Variants in TYSND1 observed in about 807,000 individuals in gnomAD.
The protein encoded by TYSND1 is trypsin like peroxisomal matrix peptidase 1.
Under a neutral mutation model 37.2 loss-of-function variants are expected in TYSND1, and 30 were observed. The ratio of observed to expected loss-of-function variants is 0.81; its 90% CI spans 0.60 to 1.09. The LOEUF (loss-of-function observed/expected upper bound fraction) is 1.09, where lower values mean the gene tolerates loss of function less well. Among genes scored for constraint, TYSND1 ranks in the 50% least tolerant of loss-of-function variants. The pLI is 0.00. For synonymous variants in TYSND1, 364 were observed against 383.8 expected (o/e 0.95, Z 0.60); for missense variants, 806 against 817.4 (o/e 0.99, Z 0.17).
rs201771382 is a variant in TYSND1, at chr10:70,142,700, G to A, written c.1451C>T (p.Pro484Leu). Reference sequence around the variant, plus strand: ...GTTTCCTGAGTGGTTGGAGAAGAGGGGTCCCCCACTGGAGCCGCTGTGCAC... The same window carrying A: ...GTTTCCTGAGTGGTTGGAGAAGAGGAGTCCCCCACTGGAGCCGCTGTGCAC... ...CAVHSGSSGG[P>L]LFSNHSGNLL... The change falls in exon 3 of 4, where the codon CCC (proline) becomes CTC (leucine). Residue 484 changes from proline to leucine, a missense_variant. Transcript: ENST00000287078. 1 of 1,604,920 alleles carries A rather than the reference G, an allele frequency of 6.2e-7. No individual in the cohort carries two copies. The highest frequency in any genetic ancestry group is 1.1e-5 in the South Asian group (1 of 89,944).
chr10:70,145,692 C>A lies in TYSND1; in HGVS notation c.895G>T (p.Ala299Ser). The change falls in exon 1 of 4, where the codon GCC (alanine) becomes TCC (serine). Residue 299 changes from alanine to serine, a missense_variant. Around this residue, in one of 3 missense-constraint regions of TYSND1, gnomAD observed 708 missense variants for 705.4 expected, o/e 1.00. Transcript: ENST00000287078. ...CGGGCGGCGCGGAAAAGGGGGGCGG[C>A]GGCGCAGAGCAGCGTGAAGCCCACC... ...EWVGFTLLCA[A>S]APLFRAARDA... The A allele has an allele frequency of 1.4e-6, 2 of 1,385,728 alleles. No homozygotes were observed. The highest frequency in any genetic ancestry group is 1.9e-6 in the Non-Finnish European group (2 of 1,078,724). 85.8% of individuals were successfully genotyped at this position (1,385,728 alleles called of 1,614,324 possible).
At position 70,140,125 on chromosome 10, in the gene TYSND1, G is replaced by C; in HGVS notation, c.1500C>G (p.Asn500Lys). 1 of 1,610,544 alleles carries C rather than the reference G, an allele frequency of 6.2e-7. No homozygotes were observed. Among genetic ancestry groups the C allele is most frequent in the Non-Finnish European group, 8.5e-7 (1 of 1,177,326 alleles). The change falls in exon 4 of 4, where the codon AAC becomes AAG. Residue 500 changes from asparagine (N) to lysine (K), a missense_variant. Physicochemically the swap from Asn to Lys is moderately conservative, Grantham distance 94 (BLOSUM62 0). Transcript: ENST00000287078. ...TGGCCCCCGTATTATTGTCCCGGGTGTTGCTGGTGATTATGCCTGTTGAGG... is the reference window on the plus strand; with the variant it reads ...TGGCCCCCGTATTATTGTCCCGGGTCTTGCTGGTGATTATGCCTGTTGAGG... Reference protein sequence around the residue: ...SGNLLGIITSNTRDNNTGATY... With the variant: ...SGNLLGIITSKTRDNNTGATY...
In TYSND1 at chr10:70,146,615, C is replaced by G; in HGVS notation, c.-29G>C. ...CTCTAGGCCGGACACTCGGGAGCTT[C>G]TCCGAGAAACAGCAAGCTAGCGAGC... is the stretch of plus-strand genomic sequence containing the variant. On this transcript the variant is annotated 5_prime_UTR_variant, in exon 1 of 4. Coordinates refer to ENST00000287078, the MANE Select transcript of TYSND1 (RefSeq NM_173555.4). 6.8e-7 allele frequency: 1 copy of G among 1,476,740 alleles called. No homozygotes were observed. Among genetic ancestry groups the G allele is most frequent in the Non-Finnish European group, 8.9e-7 (1 of 1,120,542 alleles). The allele number at this position is 1,476,740 out of a possible 1,614,324, so 91.5% of individuals were successfully genotyped here. A position where few individuals can be genotyped will look rare whatever the true frequency, so the allele number is the denominator to read the frequency against.
Position 70,146,623 on chromosome 10 carries a change from A to C in TYSND1, c.-37T>G, listed in dbSNP as rs1839242555. 1 of 1,468,792 alleles carries C rather than the reference A, an allele frequency of 6.8e-7. No homozygotes were observed. Among genetic ancestry groups the C allele is most frequent in the Non-Finnish European group, 9.0e-7 (1 of 1,116,664 alleles). 91.0% of individuals were successfully genotyped at this position (1,468,792 alleles called of 1,614,324 possible). ...CGGACACTCGGGAGCTTCTCCGAGA[A>C]ACAGCAAGCTAGCGAGCGAGGACCC... is the stretch of plus-strand genomic sequence containing the variant. On this transcript the variant is annotated 5_prime_UTR_variant, in exon 1 of 4. Transcript: ENST00000287078.
chr10:70,146,012 A>G lies in TYSND1; in HGVS notation c.575T>C (p.Leu192Pro). The G allele has an allele frequency of 6.3e-7, 1 of 1,596,090 alleles. No individual in the cohort carries two copies. The highest frequency in any genetic ancestry group is 8.5e-7 in the Non-Finnish European group (1 of 1,172,440). Residue 192 changes from leucine to proline, a missense_variant, in exon 1 of 4, where the codon CTA becomes CCA. Transcript: ENST00000287078. Reference protein sequence around the residue: ...LGWFALLGVRLGQEEVEEERG... With the variant: ...LGWFALLGVRPGQEEVEEERG... ...CTCCTCCTCCACCTCCTCCTGGCCT[A>G]GCCGCACGCCCAGCAGCGCAAACCA...
At chr10:70,143,734 G>C in intron 2 of TYSND1, 108 bp downstream of exon 2, 1 of 1,411,998 alleles carries the variant, frequency 7.1e-7, no homozygotes, top group Non-Finnish European at 9.6e-7. Context: ...CAAGGACCTT[G>C]ACCAATGCTA....
rs1220100195 is a variant in TYSND1, at chr10:70,139,881, G to A, written c.*43C>T. 1 of 1,572,878 alleles carries A rather than the reference G, an allele frequency of 6.4e-7. No individual in the cohort carries two copies. The highest frequency in any genetic ancestry group is 1.7e-5 in the Admixed American group (1 of 58,920). Reference sequence around the variant, plus strand: ...CGTCACCTCAACATCACTTCCTACAGCAGAAAAAGGTCACTCTTCTTTCCA... The same window carrying A: ...CGTCACCTCAACATCACTTCCTACAACAGAAAAAGGTCACTCTTCTTTCCA... On this transcript the variant is annotated 3_prime_UTR_variant, in exon 4 of 4. Transcript: ENST00000287078.
Position 70,146,606 on chromosome 10 carries a change from CG to C in TYSND1, c.-21del, listed in dbSNP as rs1839241801. The C allele has an allele frequency of 1.3e-6, 2 of 1,489,428 alleles. No homozygotes were observed. Among genetic ancestry groups the C allele is most frequent in the Non-Finnish European group, 1.8e-6 (2 of 1,126,488 alleles). The allele number at this position is 1,489,428 out of a possible 1,614,324, so 92.3% of individuals were successfully genotyped here. ...TCTCATGGCCTCTAGGCCGGACACT[CG>C]GGAGCTTCTCCGAGAAACAGCAAGC... On this transcript the variant is annotated 5_prime_UTR_variant, in exon 1 of 4. Transcript: ENST00000287078.
chr10:70,143,647 C>T (rs186340860), intron 2 of TYSND1, among the ~76,000 whole-genome samples, 195 bp downstream of exon 2: 1 of 152,212 alleles, frequency 6.6e-6, no homozygotes, highest in Non-Finnish European at 1.5e-5. Flanking sequence ...TGCAGGCACT[C>T]GGGGAAAGGG....
In TYSND1 at chr10:70,145,817, C is replaced by A; in HGVS notation, c.770G>T (p.Cys257Phe). 1 of 1,527,084 alleles carries A rather than the reference C, an allele frequency of 6.5e-7. No homozygotes were observed. The allele number at this position is 1,527,084 out of a possible 1,614,324, so 94.6% of individuals were successfully genotyped here. The change falls in exon 1 of 4, where the codon TGC (cysteine) becomes TTC (phenylalanine). Residue 257 changes from cysteine (C) to phenylalanine (F), a missense_variant. Around this residue, in one of 3 missense-constraint regions of TYSND1, gnomAD observed 708 missense variants for 705.4 expected, o/e 1.00. Transcript: ENST00000287078. ...AGPLLLTDAR[C>F]LPGTEGGGVF... ...GCCGCCGCCCTCGGTGCCGGGCAGGCAGCGTGCGTCGGTAAGCAGCAGTGG... is the reference window on the plus strand; with the variant it reads ...GCCGCCGCCCTCGGTGCCGGGCAGGAAGCGTGCGTCGGTAAGCAGCAGTGG...
Position 70,139,235 on chromosome 10 carries a change from A to G in TYSND1, c.*689T>C, listed in dbSNP as rs571016075. The G allele has an allele frequency of 6.5e-6, 1 of 152,780 alleles. No homozygotes were observed. Among genetic ancestry groups the G allele is most frequent in the Admixed American group, 6.5e-5 (1 of 15,308 alleles). The allele number at this position is 152,780 out of a possible 1,614,324, so 9.5% of individuals were successfully genotyped here. On this transcript the variant is annotated 3_prime_UTR_variant, in exon 4 of 4. Transcript: ENST00000287078. ...TTTCAATAGATCATGTTTATTCCCA[A>G]GCCCCAACCAGACATGTTCTACCCC...
intron 3 of TYSND1, 131 bp from the exon 4 acceptor site, chr10:70,140,272 G>C (rs772043322): frequency 3.0e-6 from 2 of 672,428 alleles, no homozygotes; most frequent in Non-Finnish European, 5.1e-6. Context: ...CGTGGTGACA[G>C]ACGCTGAGCT....
chr10:70,140,335 C>T (rs948845119), intron 3 of TYSND1, among the ~76,000 whole-genome samples, 194 bp from the exon 4 acceptor site: 3 of 152,156 alleles, frequency 2.0e-5, no homozygotes, highest in African/African-American at 7.2e-5. Flanking sequence ...ACGTTTTCTC[C>T]TTAACACTCT....
intron 1 of TYSND1, 29 bp downstream of exon 1, chr10:70,145,392 A>C: frequency 7.2e-7 from 1 of 1,383,128 alleles, no homozygotes; most frequent in Non-Finnish European, 9.4e-7. Context: ...CTGGAAAGGG[A>C]TGAAGTGGCG....
In TYSND1 at chr10:70,145,494, G is replaced by T; in HGVS notation, c.1093C>A (p.Arg365Ser). Residue 365 changes from arginine (R) to serine (S), a missense_variant, in exon 1 of 4, where the codon CGC (arginine) becomes AGC (serine). Physicochemically the swap from Arg to Ser is moderately radical, Grantham distance 110. This residue lies in a region of TYSND1 where 708 missense variants were observed against 705.4 expected (regional missense o/e 1.00). Coordinates refer to ENST00000287078, the MANE Select transcript of TYSND1 (RefSeq NM_173555.4). ...VWGSGVAVAP[R>S]LVVTCRHVSP... is the part of the protein sequence containing the mutation. ...ACGTGCCGACAGGTCACTACAAGGC[G>T]GGGTGCCACAGCCACTCCGGAGCCC... 1 of 1,528,728 alleles carries T rather than the reference G, an allele frequency of 6.5e-7. No individual in the cohort carries two copies. The highest frequency in any genetic ancestry group is 8.7e-7 in the Non-Finnish European group (1 of 1,143,352). The allele number at this position is 1,528,728 out of a possible 1,614,324, so 94.7% of individuals were successfully genotyped here.
In TYSND1 at chr10:70,146,324, G is replaced by A. The variant is rs368047041; in HGVS notation, c.263C>T (p.Ala88Val). Residue 88 changes from alanine (A) to valine (V), a missense_variant, in exon 1 of 4, where the codon GCC becomes GTC. By Grantham distance (64) the Ala-to-Val change is moderately conservative (BLOSUM62 0). Coordinates refer to ENST00000287078, the MANE Select transcript of TYSND1 (RefSeq NM_173555.4). ...RDDLRLHVQW[A>V]PTAAGPGGGA... ...GCCCCCGGGACCCGCGGCCGTTGGG[G>A]CCCACTGCACGTGCAGGCGCAGGTC... The A allele has an allele frequency of 1.1e-3, 1,719 of 1,517,816 alleles. 3 individuals are homozygous for A. The highest frequency in any genetic ancestry group is 1.4e-3 in the Non-Finnish European group (1,641 of 1,140,058). 94.0% of individuals were successfully genotyped at this position (1,517,816 alleles called of 1,614,324 possible).
intron 1 of TYSND1, chr10:70,144,610 C>G (rs1298690498): frequency 2.0e-6 from 2 of 986,408 alleles, no homozygotes; most frequent in Non-Finnish European, 2.4e-6. Flanking sequence ...CGTCCTACTA[C>G]ACACTCTGCA....
In TYSND1 at chr10:70,146,619, GAGA is replaced by G. The variant is rs1839242260; in HGVS notation, c.-36_-34del. On this transcript the variant is annotated 5_prime_UTR_variant, in exon 1 of 4. Transcript: ENST00000287078. ...AGGCCGGACACTCGGGAGCTTCTCC[GAGA>G]AACAGCAAGCTAGCGAGCGAGGACC... 1 of 1,473,354 alleles carries G rather than the reference GAGA, an allele frequency of 6.8e-7. No homozygotes were observed. The highest frequency in any genetic ancestry group is 1.5e-5 in the African/African-American group (1 of 68,726). 91.3% of individuals were successfully genotyped at this position (1,473,354 alleles called of 1,614,324 possible). A position where few individuals can be genotyped will look rare whatever the true frequency, so the allele number is the denominator to read the frequency against.
In TYSND1 at chr10:70,146,662, C is replaced by T. The variant is rs1839246446; in HGVS notation, c.-76G>A. 2.9e-6 allele frequency: 4 copies of T among 1,358,974 alleles called. No homozygotes were observed. Among genetic ancestry groups the T allele is most frequent in the Middle Eastern group, 2.6e-4 (1 of 3,798 alleles). The allele number at this position is 1,358,974 out of a possible 1,614,324, so 84.2% of individuals were successfully genotyped here. ...GAGCGAGGACCCCTACCCGGTCCGG[C>T]TGAAGCTGCCTAGCGCCACCCACAG... On this transcript the variant is annotated 5_prime_UTR_variant, in exon 1 of 4. Transcript: ENST00000287078.
Sources: allele counts gnomAD v4.1 joint callset (sites outside exome capture counted in the v4.1 genomes callset), GRCh38; gene constraint gnomAD v4.1.1; regional missense constraint gnomAD v4.1.1; transcripts MANE v1.5; gene names NCBI Gene and HGNC (gene_info 2026-07-23, HGNC 2026-07-21).